SHB: variants seen among roughly 807,000 people sequenced by gnomAD.
SHB encodes the protein SH2 domain-containing adapter protein B.
A neutral mutation model predicts 52.3 loss-of-function variants in SHB; 20 were observed. The ratio of observed to expected loss-of-function variants is 0.38; its 90% confidence interval spans 0.27 to 0.56. SHB has a LOEUF of 0.56. Ranked by LOEUF, SHB falls within the 20% of genes least tolerant of loss-of-function variation. The pLI is 0.71. For missense variants in SHB, 825 were observed against 723.3 expected (o/e 1.14, Z -1.61); for synonymous variants, 397 against 316.5 (o/e 1.25, Z -2.70).
intron 5 of SHB, among the ~76,000 whole-genome samples, chr9:37,932,538 A>G (rs1486367578): frequency 4.9e-5 from 7 of 143,028 alleles, no homozygotes; most frequent in African/African-American, 1.8e-4. Context: ...ATACTAAATG[A>G]GTAGATGTTA....
At chr9:38,032,242 C>T (rs1821425421) in intron 1 of SHB, among the ~76,000 whole-genome samples, 1 of 152,200 alleles carries the variant, frequency 6.6e-6, no homozygotes, top group East Asian at 1.9e-4. Flanking sequence ...TTCATCCTTC[C>T]TAATCACCTC....
chr9:38,004,539 G>A (rs1821057059), intron 2 of SHB, among the ~76,000 whole-genome samples: 1 of 152,208 alleles, frequency 6.6e-6, no homozygotes, highest in Admixed American at 6.5e-5. Flanking sequence ...AGAGCTGAAG[G>A]CAGGCATGAT....
intron 1 of SHB, among the ~76,000 whole-genome samples, chr9:38,034,719 C>G (rs555255005): frequency 6.6e-6 from 1 of 152,178 alleles, no homozygotes; most frequent in East Asian, 1.9e-4. Context: ...TTTATTGAGA[C>G]GCAGTCTCGC....
At chr9:38,018,506 G>A (rs1230204348) in intron 1 of SHB, among the ~76,000 whole-genome samples, 44 of 140,446 alleles carry the variant, frequency 3.1e-4, no homozygotes, top group South Asian at 6.8e-4. Flanking sequence ...TCCTTCCATT[G>A]AAAAAAAAAA....
chr9:37,968,877 CAG>C (rs1349718291), intron 3 of SHB, among the ~76,000 whole-genome samples: 1 of 152,170 alleles, frequency 6.6e-6, no homozygotes, highest in Non-Finnish European at 1.5e-5. Context: ...CCCAGAAGGA[CAG>C]GGAGTGGGAC....
intron 5 of SHB, among the ~76,000 whole-genome samples, chr9:37,924,167 G>A (rs1832217500): frequency 6.6e-6 from 1 of 152,242 alleles, no homozygotes; most frequent in South Asian, 2.1e-4. Flanking sequence ...AGAGGCCGGG[G>A]TGCTGGAGCT....
chr9:38,026,804 C>T (rs10973643), intron 1 of SHB, among the ~76,000 whole-genome samples: 2,692 of 152,286 alleles, frequency 0.018, 34 homozygotes, highest in Non-Finnish European at 0.023. Flanking sequence ...TAGGGCTTTG[C>T]GATGTCAAGC....
intron 3 of SHB, among the ~76,000 whole-genome samples, chr9:37,962,503 ATCTT>A (rs1031040690): frequency 1.1e-4 from 15 of 133,842 alleles, no homozygotes; most frequent in East Asian, 5.7e-4. Flanking sequence ...AAATGGCTTC[ATCTT>A]TCTTTTTTTT....
intron 2 of SHB, among the ~76,000 whole-genome samples, chr9:37,982,176 GGA>G (rs1262107844): frequency 6.6e-6 from 1 of 152,140 alleles, no homozygotes; most frequent in Non-Finnish European, 1.5e-5. Context: ...ATTTTATTAT[GGA>G]GAGTCTCAAA....
chr9:38,040,304 A>G (rs1427194237), intron 1 of SHB, among the ~76,000 whole-genome samples: 1 of 152,192 alleles, frequency 6.6e-6, no homozygotes, highest in African/African-American at 2.4e-5. Flanking sequence ...CCTCAAGGGT[A>G]AGACAGAGAT....
chr9:37,929,663 G>GGCA (rs1236270466), intron 5 of SHB, among the ~76,000 whole-genome samples: 2 of 152,218 alleles, frequency 1.3e-5, no homozygotes, highest in Non-Finnish European at 2.9e-5. Flanking sequence ...TGCCTGGCTG[G>GGCA]GGTGGGATAC....
chr9:38,067,559 G>A (rs558376430), intron 1 of SHB, among the ~76,000 whole-genome samples: 2 of 152,328 alleles, frequency 1.3e-5, no homozygotes, highest in African/African-American at 4.8e-5. Flanking sequence ...GTGAGCGGAG[G>A]GTGGAGGCTG....
intron 2 of SHB, among the ~76,000 whole-genome samples, chr9:37,991,936 A>G (rs752015624): frequency 3.3e-5 from 5 of 152,164 alleles, no homozygotes; most frequent in African/African-American, 1.2e-4. Flanking sequence ...TTTCCCACAG[A>G]TTAACATGGG....
intron 2 of SHB, chr9:38,015,382 A>T (rs1253723057): frequency 1.4e-6 from 1 of 702,652 alleles, no homozygotes; most frequent in Non-Finnish European, 2.6e-6. Context: ...ACCCAGCCAC[A>T]TTCTTCTTGA....
At chr9:38,028,740 G>A (rs1429697569) in intron 1 of SHB, among the ~76,000 whole-genome samples, 2 of 152,210 alleles carry the variant, frequency 1.3e-5, no homozygotes, top group African/African-American at 4.8e-5. Context: ...CTCAGCAATT[G>A]ACAAAATCAG....
chr9:37,928,661 A>G (rs966894178), intron 5 of SHB, among the ~76,000 whole-genome samples: 1 of 152,194 alleles, frequency 6.6e-6, no homozygotes, highest in Admixed American at 6.5e-5. Context: ...CATCCACAAC[A>G]TGGGAATAAC....
At chr9:37,955,781 C>A (rs1832623617) in intron 4 of SHB, 102 bp downstream of exon 4, 1 of 1,181,932 alleles carries the variant, frequency 8.5e-7, no homozygotes, top group Non-Finnish European at 1.2e-6. Context: ...AGCCACCACG[C>A]CCGGCCCAGT....
At chr9:38,034,768 C>T (rs1014635133) in intron 1 of SHB, among the ~76,000 whole-genome samples, 3 of 152,254 alleles carry the variant, frequency 2.0e-5, no homozygotes, top group Non-Finnish European at 2.9e-5. Context: ...GCGATCTCAG[C>T]TCACTGCAAC....
intron 5 of SHB, among the ~76,000 whole-genome samples, chr9:37,921,499 A>G (rs2841944): frequency 0.019 from 2,896 of 152,364 alleles, 99 homozygotes; most frequent in African/African-American, 0.065. Flanking sequence ...TCTGCTCATA[A>G]TAATGTATTT....
Sources: gnomAD v4.1 joint callset for allele counts (sites outside exome capture counted in the v4.1 genomes callset) on GRCh38, gnomAD v4.1.1 for gene constraint, MANE v1.5 for transcripts, NCBI Gene and HGNC (gene_info 2026-07-23, HGNC 2026-07-21) for gene names.